Variants in CSMD1 observed in about 807,000 individuals in gnomAD.
CSMD1 encodes the protein CUB and sushi domain-containing protein 1.
In CSMD1, 213 loss-of-function variants were observed where a neutral mutation model predicts 417.5. That is an observed-to-expected ratio of 0.51 (90% confidence interval 0.46 to 0.57). The LOEUF is 0.57. Ranked by LOEUF, CSMD1 falls within the 20% of genes least tolerant of loss-of-function variation. The pLI is 0.00. For missense variants in CSMD1, 6,923 were observed against 4,529.7 expected, an observed-to-expected ratio of 1.53 and a Z score of -15.17; for synonymous variants, 2,862 against 1,736.8, an observed-to-expected ratio of 1.65 and a Z score of -16.11.
chr8:3,361,340 T>G (rs1163445420), intron 20 of CSMD1, among the ~76,000 whole-genome samples: 1 of 152,062 alleles, frequency 6.6e-6, no homozygotes, highest in Admixed American at 6.6e-5. Flanking sequence ...TTAAAAATAG[T>G]TGAAAACTCC....
At chr8:4,557,773 G>A (rs369472469) in intron 2 of CSMD1, among the ~76,000 whole-genome samples, 8 of 123,580 alleles carry the variant, frequency 6.5e-5, no homozygotes, top group Non-Finnish European at 1.2e-4. Context: ...AAGATGGCAC[G>A]TAAGTCTCCG....
At chr8:3,949,723 A>G (rs1346819596) in intron 5 of CSMD1, among the ~76,000 whole-genome samples, 1 of 152,140 alleles carries the variant, frequency 6.6e-6, no homozygotes, top group East Asian at 1.9e-4. Context: ...TCATGGTATG[A>G]GCAATGGGGA....
At chr8:2,975,587 G>A (rs1774718662) in intron 55 of CSMD1, among the ~76,000 whole-genome samples, 1 of 152,156 alleles carries the variant, frequency 6.6e-6, no homozygotes, top group South Asian at 2.1e-4. Context: ...ATTCATTGGA[G>A]AACCGGATTT....
intron 5 of CSMD1, among the ~76,000 whole-genome samples, chr8:3,803,878 G>C (rs1800589798): frequency 6.6e-6 from 1 of 152,128 alleles, no homozygotes; most frequent in Admixed American, 6.6e-5. Context: ...AGAGGAATTT[G>C]ACTTGAGTGA....
At chr8:3,608,600 A>G (rs1261225680) in intron 8 of CSMD1, among the ~76,000 whole-genome samples, 1 of 151,896 alleles carries the variant, frequency 6.6e-6, no homozygotes, top group East Asian at 1.9e-4. Flanking sequence ...CGTCTCTATT[A>G]AAAATGCAAA....
chr8:4,266,452 T>C (rs6993805), intron 3 of CSMD1, among the ~76,000 whole-genome samples: 17,156 of 103,868 alleles, frequency 0.17, 5,497 homozygotes, highest in South Asian at 0.28. Flanking sequence ...ATATTGATGA[T>C]TGGTTAGATA....
intron 7 of CSMD1, among the ~76,000 whole-genome samples, chr8:3,651,214 C>T (rs1321076646): frequency 6.6e-6 from 1 of 152,146 alleles, no homozygotes; most frequent in East Asian, 1.9e-4. Context: ...CTCACATGAT[C>T]CTTTAAACAC....
chr8:3,557,411 A>C (rs1165198886), intron 10 of CSMD1, among the ~76,000 whole-genome samples: 1 of 152,280 alleles, frequency 6.6e-6, no homozygotes, highest in Non-Finnish European at 1.5e-5. Context: ...GGTCTTCACT[A>C]TTTGCCAAAC....
intron 2 of CSMD1, among the ~76,000 whole-genome samples, chr8:4,464,591 A>T (rs1463055181): frequency 1.3e-5 from 2 of 152,188 alleles, no homozygotes; most frequent in Non-Finnish European, 2.9e-5. Context: ...GTTTCTACTG[A>T]ACGTGTTATT....
chr8:3,667,445 G>C (rs1217363365), intron 7 of CSMD1, among the ~76,000 whole-genome samples: 2 of 152,058 alleles, frequency 1.3e-5, no homozygotes, highest in Non-Finnish European at 2.9e-5. Context: ...GCAGCCATTG[G>C]CAAGGCCTTG....
chr8:4,164,028 T>C (rs117464501), intron 3 of CSMD1, among the ~76,000 whole-genome samples: 98 of 152,304 alleles, frequency 6.4e-4, no homozygotes, highest in East Asian at 2.1e-3. Flanking sequence ...GAGTAAGCTG[T>C]TGGTACATGT....
At chr8:3,556,545 CA>C (rs1563150233) in intron 10 of CSMD1, among the ~76,000 whole-genome samples, 3 of 141,844 alleles carry the variant, frequency 2.1e-5, no homozygotes, top group East Asian at 2.0e-4. Flanking sequence ...CACACACACA[CA>C]CACACCCTCT....
chr8:3,654,979 G>A (rs79148949), intron 7 of CSMD1, among the ~76,000 whole-genome samples: 5 of 152,146 alleles, frequency 3.3e-5, no homozygotes, highest in Non-Finnish European at 5.9e-5. Flanking sequence ...AACTGAAAAT[G>A]CCAGGTGTGA....
At chr8:4,326,844 C>A (rs141415195) in intron 3 of CSMD1, among the ~76,000 whole-genome samples, 11 of 151,958 alleles carry the variant, frequency 7.2e-5, no homozygotes, top group African/African-American at 2.7e-4. Context: ...AAAAAAAGGT[C>A]ACAGGTGAAG....
chr8:4,021,882 T>C (rs971826983), intron 4 of CSMD1, among the ~76,000 whole-genome samples: 3 of 151,994 alleles, frequency 2.0e-5, no homozygotes, highest in African/African-American at 7.3e-5. Context: ...CCTCTCTAGC[T>C]TGTAAGGAAA....
intron 5 of CSMD1, among the ~76,000 whole-genome samples, chr8:3,785,184 G>A (rs1035537892): frequency 7.9e-5 from 12 of 152,194 alleles, no homozygotes; most frequent in African/African-American, 2.9e-4. Context: ...TGATGGAGAT[G>A]ATGACTACTG....
chr8:3,926,922 G>A (rs1204849662), intron 5 of CSMD1, among the ~76,000 whole-genome samples: 1 of 151,486 alleles, frequency 6.6e-6, no homozygotes, highest in Non-Finnish European at 1.5e-5. Context: ...CACCATGTTG[G>A]CCAGGATGGT....
At chr8:4,006,373 G>A (rs1286946720) in intron 4 of CSMD1, among the ~76,000 whole-genome samples, 2 of 152,134 alleles carry the variant, frequency 1.3e-5, no homozygotes, top group Non-Finnish European at 2.9e-5. Flanking sequence ...GTGAAACCCT[G>A]TCTCTACTAA....
intron 1 of CSMD1, among the ~76,000 whole-genome samples, chr8:4,982,866 G>A (rs577305385): frequency 1.1e-4 from 17 of 152,144 alleles, no homozygotes; most frequent in African/African-American, 3.9e-4. Context: ...AGCAAAGAAT[G>A]CAGGAAAGGT....
Sources: allele counts gnomAD v4.1 joint callset (sites outside exome capture counted in the v4.1 genomes callset), GRCh38; gene constraint gnomAD v4.1.1; transcripts MANE v1.5; gene names NCBI Gene and HGNC (gene_info 2026-07-23, HGNC 2026-07-21).